ATXN8OS: variants seen among roughly 807,000 people sequenced by gnomAD.
ATXN8OS encodes the protein ATXN8 opposite strand lncRNA.
intron 3 of ATXN8OS, among the ~76,000 whole-genome samples, chr13:70,147,236 T>TGA (rs1888798538): frequency 2.6e-5 from 4 of 152,174 alleles, no homozygotes; most frequent in Non-Finnish European, 5.9e-5. Context: ...TAAAAACTAA[T>TGA]ATAAGAATGC....
At chr13:70,151,766 T>C (rs1029362583) in intron 4 of ATXN8OS, among the ~76,000 whole-genome samples, 4 of 152,098 alleles carry the variant, frequency 2.6e-5, no homozygotes, top group Non-Finnish European at 4.4e-5. Context: ...TTTATATATG[T>C]TTTAGAAGTC....
At chr13:70,153,480 C>T (rs190389700) in intron 4 of ATXN8OS, among the ~76,000 whole-genome samples, 1 of 152,096 alleles carries the variant, frequency 6.6e-6, no homozygotes, top group Non-Finnish European at 1.5e-5. Context: ...GAGGCTGAGG[C>T]AGGAGAATCG....
At chr13:70,142,593 C>T (rs1490208860) in intron 3 of ATXN8OS, among the ~76,000 whole-genome samples, 2 of 152,116 alleles carry the variant, frequency 1.3e-5, no homozygotes, top group African/African-American at 2.4e-5. Context: ...ATAACTGCAC[C>T]ATGGAAATAG....
At position 70,168,424 on chromosome 13, in the gene ATXN8OS, A is replaced by G. The variant is rs147631085; in HGVS notation, n.574-1329A>G. ...AATATACAATATGTTGTTGCTGACT[A>G]TAGTTATCCTACTCTGCTATCAAAC... On this transcript the variant is annotated intron_variant and non_coding_transcript_variant, in intron 4 of 4. Coordinates refer to ENST00000678624, the Ensembl canonical transcript of ATXN8OS. 1.1e-3 allele frequency among the ~76,000 whole-genome samples: 168 copies of G among 152,118 alleles called. 1 individual carries two copies. The highest frequency in any genetic ancestry group is 3.7e-3 in the African/African-American group (153 of 41,536).
chr13:70,115,546 G>C (rs1053861088), intron 2 of ATXN8OS, among the ~76,000 whole-genome samples: 2 of 152,000 alleles, frequency 1.3e-5, no homozygotes. Flanking sequence ...GGTTTTTTTG[G>C]GGGGGCAACA....
At chr13:70,112,376 T>C (rs888566543) in intron 1 of ATXN8OS, among the ~76,000 whole-genome samples, 3 of 152,180 alleles carry the variant, frequency 2.0e-5, no homozygotes, top group African/African-American at 4.8e-5. Context: ...GAACTTTTAA[T>C]GTATACATTA....
At chr13:70,141,431 CA>C (rs1888714117) in intron 3 of ATXN8OS, among the ~76,000 whole-genome samples, 1 of 152,050 alleles carries the variant, frequency 6.6e-6, no homozygotes, top group Admixed American at 6.6e-5. Context: ...TTTATAACTG[CA>C]AAATATTTTA....
chr13:70,123,584 C>CTA lies in ATXN8OS; in HGVS notation n.399-6199_399-6198dup, dbSNP rs551755705. Among the ~76,000 whole-genome samples the CTA allele has an allele frequency of 3.4e-4, 52 of 152,098 alleles. No homozygotes were observed. The East Asian group carries it at 4.6e-3, about 14-fold the overall frequency. The stretch of plus-strand genomic sequence containing the variant: ...TAAACTTAGAAAAGATCTGAAAATA[C>CTA]TACTGATAGGTAAGATCCTATATTC... On this transcript the variant is annotated intron_variant and non_coding_transcript_variant, in intron 2 of 4. Coordinates refer to ENST00000678624, the Ensembl canonical transcript of ATXN8OS.
chr13:70,159,043 C>G (rs1326121273), intron 4 of ATXN8OS, among the ~76,000 whole-genome samples: 1 of 151,632 alleles, frequency 6.6e-6, no homozygotes, highest in Admixed American at 6.6e-5. Flanking sequence ...TATGCTTTAT[C>G]CTGGATAATG....
At chr13:70,166,280 A>G (rs1205512216) in intron 4 of ATXN8OS, among the ~76,000 whole-genome samples, 1 of 152,152 alleles carries the variant, frequency 6.6e-6, no homozygotes, top group Non-Finnish European at 1.5e-5. Context: ...ACAAGGCTAC[A>G]GTAACCAAAA....
At chr13:70,165,862 A>G (rs907043974) in intron 4 of ATXN8OS, among the ~76,000 whole-genome samples, 1 of 152,084 alleles carries the variant, frequency 6.6e-6, no homozygotes, top group African/African-American at 2.4e-5. Flanking sequence ...AAATATTTAA[A>G]CAACAAAATA....
intron 2 of ATXN8OS, among the ~76,000 whole-genome samples, chr13:70,117,774 A>G (rs946082213): frequency 1.1e-4 from 17 of 152,232 alleles, no homozygotes; most frequent in African/African-American, 3.8e-4. Flanking sequence ...AACAAGTAGC[A>G]CATTGTTGGT....
chr13:70,164,642 A>G (rs1285100558), intron 4 of ATXN8OS, among the ~76,000 whole-genome samples: 1 of 152,052 alleles, frequency 6.6e-6, no homozygotes, highest in Admixed American at 6.6e-5. Context: ...TATGCTTTGG[A>G]ATGTTTTCAG....
intron 3 of ATXN8OS, chr13:70,131,560 C>T: frequency 7.5e-6 from 3 of 398,244 alleles, no homozygotes; most frequent in Non-Finnish European, 1.3e-5. Context: ...CTTTGGACTG[C>T]TTCTTTCCTC....
intron 4 of ATXN8OS, among the ~76,000 whole-genome samples, chr13:70,156,750 G>A (rs1888942536): frequency 1.3e-5 from 2 of 152,032 alleles, no homozygotes; most frequent in South Asian, 4.1e-4. Context: ...ATTGAAAAAG[G>A]ACATACCACA....
At chr13:70,127,587 T>A (rs1165056076) in intron 2 of ATXN8OS, among the ~76,000 whole-genome samples, 4 of 151,924 alleles carry the variant, frequency 2.6e-5, no homozygotes, top group Admixed American at 2.0e-4. Flanking sequence ...GAAACCAGAT[T>A]GAAGAAAAAA....
At position 70,119,418 on chromosome 13, in the gene ATXN8OS, C is replaced by T. The variant is rs565656000; in HGVS notation, n.398+4120C>T. Among the ~76,000 whole-genome samples the T allele has an allele frequency of 7.8e-4, 118 of 152,158 alleles. 1 individual carries two copies. The highest frequency in any genetic ancestry group is 2.4e-3 in the African/African-American group (101 of 41,518). On this transcript the variant is annotated intron_variant and non_coding_transcript_variant, in intron 2 of 4. Transcript: ENST00000678624. ...TGCTTACTTTCTCTTATAAGATTGT[C>T]TTTCTCTGACCCAGTTCTGAGCCCC... is the stretch of plus-strand genomic sequence containing the variant.
intron 4 of ATXN8OS, among the ~76,000 whole-genome samples, chr13:70,166,744 G>A (rs9542195): frequency 0.48 from 73,277 of 151,778 alleles, 20,032 homozygotes; most frequent in Non-Finnish European, 0.62. Context: ...CCTACACAAT[G>A]GGAGAAAATT....
intron 4 of ATXN8OS, among the ~76,000 whole-genome samples, chr13:70,162,027 T>C (rs1359846996): frequency 1.3e-5 from 2 of 151,106 alleles, no homozygotes; most frequent in Non-Finnish European, 3.0e-5. Flanking sequence ...AGAGGTAGAG[T>C]AAGAGAAGGA....
Sources: allele counts gnomAD v4.1 joint callset (sites outside exome capture counted in the v4.1 genomes callset), GRCh38; gene constraint gnomAD v4.1.1; transcripts MANE v1.5; gene names NCBI Gene and HGNC (gene_info 2026-07-23, HGNC 2026-07-21).